XIRP2: variants seen among roughly 807,000 people sequenced by gnomAD.
The protein encoded by XIRP2 is xin actin binding repeat containing 2.
Under a neutral mutation model 277.0 loss-of-function variants are expected in XIRP2, and 236 were observed. The observed-to-expected ratio is 0.85, with a 90% CI of 0.77 to 0.95. The LOEUF (loss-of-function observed/expected upper bound fraction) is 0.95. Among genes scored for constraint, XIRP2 ranks in the 40% least tolerant of loss-of-function variants. The pLI, the probability that XIRP2 is intolerant of heterozygous loss-of-function variation, is 0.00. For missense variants in XIRP2, 4,640 were observed against 4,157.5 expected (o/e 1.12, Z -3.19); for synonymous variants, 1,490 against 1,416.5 (o/e 1.05, Z -1.17).
At chr2:166,928,839 G>C (rs1026744619) in intron 2 of XIRP2, among the ~76,000 whole-genome samples, 12 of 151,986 alleles carry the variant, frequency 7.9e-5, no homozygotes, top group Admixed American at 3.3e-4. Flanking sequence ...TGCCTATCAG[G>C]GTGATAGGCA....
chr2:167,131,793 G>C lies in XIRP2; in HGVS notation c.409-4116G>C, dbSNP rs189094416. On this transcript the variant is annotated intron_variant, in intron 2 of 10. Coordinates refer to ENST00000409195, the MANE Select transcript of XIRP2 (RefSeq NM_152381.6). The stretch of plus-strand genomic sequence containing the variant: ...CACGGAAGGCAGATGACTTAAATTA[G>C]TTGTTCAGTTTGGACCTCTCCTCTA... Among the ~76,000 whole-genome samples the C allele has an allele frequency of 9.8e-4, 149 of 152,128 alleles. 1 individual carries two copies. Among genetic ancestry groups the C allele is most frequent in the African/African-American group, 3.3e-3 (138 of 41,508 alleles).
At chr2:166,939,170 C>T (rs1220329420) in intron 2 of XIRP2, among the ~76,000 whole-genome samples, 1 of 152,124 alleles carries the variant, frequency 6.6e-6, no homozygotes, top group Non-Finnish European at 1.5e-5. Context: ...TTAATTGATG[C>T]AGTTTCTTCC....
intron 2 of XIRP2, among the ~76,000 whole-genome samples, chr2:167,071,569 G>A (rs985193535): frequency 1.3e-5 from 2 of 152,092 alleles, no homozygotes; most frequent in Non-Finnish European, 2.9e-5. Flanking sequence ...TTTTCTGAAC[G>A]TAAAGGCAAT....
chr2:166,933,959 G>A (rs114545093), intron 2 of XIRP2, among the ~76,000 whole-genome samples: 6,281 of 151,662 alleles, frequency 0.041, 170 homozygotes, highest in Non-Finnish European at 0.059. Context: ...AAGGACACAC[G>A]TTAAAAAAAA....
intron 2 of XIRP2, among the ~76,000 whole-genome samples, chr2:166,978,978 G>T (rs1013988164): frequency 6.6e-6 from 1 of 152,098 alleles, no homozygotes; most frequent in Non-Finnish European, 1.5e-5. Context: ...TTAAAAAAAA[G>T]AATAAAAGCT....
At chr2:167,201,722 G>T (rs1008219232) in intron 3 of XIRP2, among the ~76,000 whole-genome samples, 1 of 152,064 alleles carries the variant, frequency 6.6e-6, no homozygotes, top group African/African-American at 2.4e-5. Context: ...ATTTCCCTTT[G>T]ATTTATCCTT....
intron 3 of XIRP2, among the ~76,000 whole-genome samples, chr2:167,142,513 A>C (rs1574292564): frequency 6.6e-6 from 1 of 152,014 alleles, no homozygotes; most frequent in South Asian, 2.1e-4. Flanking sequence ...ATGCCACTGC[A>C]CTCCAGCCTC....
rs778423012 is a variant in XIRP2 at position 167,258,073 on chromosome 2, T to G, written c.*256T>G. The G allele has an allele frequency of 2.2e-5, 35 of 1,612,890 alleles. No individual in the cohort carries two copies. The South Asian group carries it at 3.6e-4, about 17-fold the overall frequency. On this transcript the variant is annotated 3_prime_UTR_variant, in exon 11 of 11. Coordinates refer to ENST00000409195, the MANE Select transcript of XIRP2 (RefSeq NM_152381.6). Reference sequence around the variant, plus strand: ...CAGAAAACACCCTTGTACCTGGAGATCGTAATGAACATTTAGATGCTGGTA... The same window carrying G: ...CAGAAAACACCCTTGTACCTGGAGAGCGTAATGAACATTTAGATGCTGGTA...
chr2:167,107,017 A>G (rs1395070348), intron 2 of XIRP2, among the ~76,000 whole-genome samples: 2 of 151,474 alleles, frequency 1.3e-5, no homozygotes, highest in East Asian at 1.9e-4. Flanking sequence ...ATTTATATAT[A>G]TTGCGTGACC....
chr2:167,026,889 G>T (rs1688177515), intron 2 of XIRP2, among the ~76,000 whole-genome samples: 1 of 151,998 alleles, frequency 6.6e-6, no homozygotes, highest in Non-Finnish European at 1.5e-5. Context: ...TATTCTGACG[G>T]GCTTCCCTTT....
chr2:167,152,090 C>T (rs1352491337), intron 3 of XIRP2, among the ~76,000 whole-genome samples: 1 of 152,038 alleles, frequency 6.6e-6, no homozygotes, highest in Non-Finnish European at 1.5e-5. Flanking sequence ...CAACTGTGTA[C>T]TTGTGTTTCA....
intron 3 of XIRP2, among the ~76,000 whole-genome samples, chr2:167,171,242 T>C (rs1692681968): frequency 6.6e-6 from 1 of 152,194 alleles, no homozygotes; most frequent in Non-Finnish European, 1.5e-5. Flanking sequence ...AATGTCTGGC[T>C]AGTTACTGCT....
chr2:166,979,431 T>TAAAAGTAAGCA (rs1686804721), intron 2 of XIRP2, among the ~76,000 whole-genome samples: 1 of 148,950 alleles, frequency 6.7e-6, no homozygotes, highest in South Asian at 2.1e-4. Flanking sequence ...ACTGGCCTGG[T>TAAAAGTAAGCA]AAAAGTAAGC....
chr2:166,996,604 G>T (rs1687227765), intron 2 of XIRP2, among the ~76,000 whole-genome samples: 1 of 152,148 alleles, frequency 6.6e-6, no homozygotes, highest in Non-Finnish European at 1.5e-5. Flanking sequence ...TACAGTCTGG[G>T]CAACAGAGCA....
At chr2:166,969,659 A>G (rs977086130) in intron 2 of XIRP2, among the ~76,000 whole-genome samples, 1 of 151,870 alleles carries the variant, frequency 6.6e-6, no homozygotes, top group Non-Finnish European at 1.5e-5. Context: ...AAGCAATTTC[A>G]TGCTTGCTTT....
intron 2 of XIRP2, among the ~76,000 whole-genome samples, chr2:167,030,518 G>A (rs1295175279): frequency 2.0e-5 from 3 of 152,128 alleles, no homozygotes; most frequent in African/African-American, 7.2e-5. Flanking sequence ...ATGTAGTTGT[G>A]CAGTTTTGAG....
chr2:167,225,265 G>C (rs1412218763), intron 5 of XIRP2, among the ~76,000 whole-genome samples: 1 of 152,126 alleles, frequency 6.6e-6, no homozygotes, highest in African/African-American at 2.4e-5. Context: ...GGTAGGAGAG[G>C]AAAAGCTATG....
At chr2:167,129,291 A>AT (rs1235795856) in intron 2 of XIRP2, among the ~76,000 whole-genome samples, 1 of 152,158 alleles carries the variant, frequency 6.6e-6, no homozygotes, top group African/African-American at 2.4e-5. Context: ...CTAGCTCAGC[A>AT]TTTTAAATGT....
rs772223666 is a variant in XIRP2 at position 167,249,538 on chromosome 2, C to G, written c.8146C>G (p.Pro2716Ala). ...PNFKVKTIKL[P>A]TLDHTLNETD... Reference sequence around the variant, plus strand: ...TTTCAAAGTTAAAACCATCAAACTTCCAACTCTAGATCATACATTAAATGA... The same window carrying G: ...TTTCAAAGTTAAAACCATCAAACTTGCAACTCTAGATCATACATTAAATGA... Residue 2716 changes from proline (P) to alanine (A), a missense_variant, in exon 9 of 11, where the codon CCA becomes GCA. Physicochemically the swap from Pro to Ala is conservative, Grantham distance 27. Coordinates refer to ENST00000409195, the MANE Select transcript of XIRP2 (RefSeq NM_152381.6). 6.2e-7 allele frequency: 1 copy of G among 1,613,588 alleles called. No individual in the cohort carries two copies. The highest frequency in any genetic ancestry group is 1.3e-5 in the African/African-American group (1 of 74,852).
Sources: allele counts gnomAD v4.1 joint callset (sites outside exome capture counted in the v4.1 genomes callset), GRCh38; gene constraint gnomAD v4.1.1; transcripts MANE v1.5; gene names NCBI Gene and HGNC (gene_info 2026-07-23, HGNC 2026-07-21).